The following FILIP1 variants were observed in gnomAD, a reference collection of about 807,000 sequenced individuals.
FILIP1 encodes filamin A interacting protein 1.
Under a neutral mutation model 102.1 loss-of-function variants are expected in FILIP1, and 61 were observed. The ratio of observed to expected loss-of-function variants is 0.60; its 90% CI spans 0.49 to 0.74. The LOEUF (loss-of-function observed/expected upper bound fraction) is 0.74. FILIP1 is among the 30% of genes least tolerant of loss of function. FILIP1 has a pLI of 0.00. For missense variants in FILIP1, 1,314 were observed against 1,441.2 expected (o/e 0.91, Z 1.43); for synonymous variants, 491 against 526.9 (o/e 0.93, Z 0.93).
Position 75,403,524 on chromosome 6 carries a change from A to AAAAAAAAG in FILIP1, c.276+11172_276+11173insCTTTTTTT, listed in dbSNP as rs55907855. Among the ~76,000 whole-genome samples, 493 of 134,734 alleles carry AAAAAAAAG rather than the reference A, an allele frequency of 3.7e-3. 22 individuals are homozygous for AAAAAAAAG. The highest frequency in any genetic ancestry group is 0.01 in the African/African-American group (357 of 35,290). The allele number at this position is 134,734 out of a possible 152,430, so 88.4% of individuals were successfully genotyped here. A position where few individuals can be genotyped will look rare whatever the true frequency, so the allele number is the denominator to read the frequency against. On this transcript the variant is annotated intron_variant, in intron 2 of 5. Transcript: ENST00000237172. ...CAAGACTCTGTCCCACAAAAAAAAA[A>AAAAAAAAG]AAAAAAGAAAAAGAAAAAGAAATAT...
intron 2 of FILIP1, among the ~76,000 whole-genome samples, chr6:75,406,591 G>C (rs185079308): frequency 6.6e-6 from 1 of 151,512 alleles, no homozygotes; most frequent in Non-Finnish European, 1.5e-5. Context: ...CACATAGTAG[G>C]AGCCCATCAA....
At chr6:75,318,228 C>CT (rs35536817) in intron 4 of FILIP1, among the ~76,000 whole-genome samples, 1,647 of 102,816 alleles carry the variant, frequency 0.016, 38 homozygotes, top group Non-Finnish European at 0.02. Context: ...ATTATACAGT[C>CT]TTTTTTTTTT....
At chr6:75,348,650 T>C (rs1582379578) in intron 4 of FILIP1, among the ~76,000 whole-genome samples, 1 of 152,368 alleles carries the variant, frequency 6.6e-6, no homozygotes, top group East Asian at 1.9e-4. Flanking sequence ...TTACAGGGTC[T>C]AGGTCAGTGG....
intron 2 of FILIP1, among the ~76,000 whole-genome samples, chr6:75,385,494 C>T (rs763801269): frequency 1.6e-4 from 25 of 152,116 alleles, no homozygotes; most frequent in Middle Eastern, 3.2e-3. Flanking sequence ...TATTCAAATA[C>T]ATCACTTGTC....
chr6:75,411,491 C>T (rs553393285), intron 2 of FILIP1, among the ~76,000 whole-genome samples: 16 of 152,112 alleles, frequency 1.1e-4, no homozygotes, highest in Non-Finnish European at 1.8e-4. Context: ...AAGTCTTTGC[C>T]CATGCCTATG....
intron 1 of FILIP1, among the ~76,000 whole-genome samples, chr6:75,453,001 T>C (rs1231666081): frequency 1.3e-5 from 2 of 152,168 alleles, no homozygotes; most frequent in Non-Finnish European, 2.9e-5. Context: ...GATAGGTGTT[T>C]TGTAGTATAA....
chr6:75,382,901 C>T (rs139938234), intron 2 of FILIP1, among the ~76,000 whole-genome samples: 1 of 152,180 alleles, frequency 6.6e-6, no homozygotes, highest in Non-Finnish European at 1.5e-5. Context: ...AGTTTATCAG[C>T]CACAAAAGCC....
chr6:75,369,813 GAACAA>G (rs1290399331), intron 2 of FILIP1, among the ~76,000 whole-genome samples: 2 of 152,120 alleles, frequency 1.3e-5, no homozygotes, highest in African/African-American at 4.8e-5. Context: ...TGAGTGTTCA[GAACAA>G]AACAAAAGAT....
intron 4 of FILIP1, among the ~76,000 whole-genome samples, chr6:75,330,468 T>C (rs1774039264): frequency 6.6e-6 from 1 of 152,088 alleles, no homozygotes; most frequent in Admixed American, 6.6e-5. Flanking sequence ...TTTTTGACCC[T>C]AGCCCAGTGC....
rs149446653 is a variant in FILIP1 at position 75,412,862 on chromosome 6, C to G, written c.276+1835G>C. ...TTAAAATACCAGGTCCTTCATTATCCTTCTCTTCACTGCCTCCCACATAAA... is the reference window on the plus strand; with the variant it reads ...TTAAAATACCAGGTCCTTCATTATCGTTCTCTTCACTGCCTCCCACATAAA... On this transcript the variant is annotated intron_variant, in intron 2 of 5. Transcript: ENST00000237172. Among the ~76,000 whole-genome samples the G allele has an allele frequency of 9.6e-3, 1,466 of 152,260 alleles. 11 individuals carry two copies. Among genetic ancestry groups the G allele is most frequent in the Non-Finnish European group, 0.017 (1,135 of 68,004 alleles).
intron 4 of FILIP1, among the ~76,000 whole-genome samples, chr6:75,345,076 T>C (rs913494294): frequency 2.0e-5 from 3 of 152,226 alleles, no homozygotes; most frequent in Admixed American, 2.0e-4. Flanking sequence ...ACTGTTGCTT[T>C]TCTTAGGACT....
intron 2 of FILIP1, among the ~76,000 whole-genome samples, chr6:75,397,492 G>GTA (rs35562292): frequency 0.7 from 101,845 of 145,928 alleles, 35,471 homozygotes; most frequent in Middle Eastern, 0.76. Flanking sequence ...ATATATATGT[G>GTA]TATATATATA....
At chr6:75,411,796 C>T (rs188743138) in intron 2 of FILIP1, among the ~76,000 whole-genome samples, 158 of 152,168 alleles carry the variant, frequency 1.0e-3, no homozygotes, top group African/African-American at 3.6e-3. Flanking sequence ...GGTACCGGTA[C>T]CATGATGTTT....
At chr6:75,477,452 G>A (rs1402513149) in intron 1 of FILIP1, among the ~76,000 whole-genome samples, 2 of 151,924 alleles carry the variant, frequency 1.3e-5, no homozygotes, top group Non-Finnish European at 2.9e-5. Context: ...AATGATAGGT[G>A]ATGAATATTA....
At chr6:75,441,406 C>T (rs1488018829) in intron 1 of FILIP1, among the ~76,000 whole-genome samples, 1 of 152,106 alleles carries the variant, frequency 6.6e-6, no homozygotes, top group South Asian at 2.1e-4. Context: ...GGCAACCATC[C>T]GATTTCTCAA....
intron 1 of FILIP1, among the ~76,000 whole-genome samples, chr6:75,469,142 G>A (rs975959077): frequency 3.3e-5 from 5 of 151,840 alleles, no homozygotes; most frequent in African/African-American, 1.2e-4. Context: ...TTAAAACAAC[G>A]ATAGGAATTT....
intron 1 of FILIP1, among the ~76,000 whole-genome samples, chr6:75,436,077 A>C (rs1778009052): frequency 6.6e-6 from 1 of 152,154 alleles, no homozygotes; most frequent in Non-Finnish European, 1.5e-5. Context: ...GAGTTGCAGA[A>C]GTCACTGCTG....
chr6:75,425,678 GA>G (rs761599780), intron 1 of FILIP1, among the ~76,000 whole-genome samples: 18 of 152,016 alleles, frequency 1.2e-4, no homozygotes, highest in Admixed American at 3.3e-4. Flanking sequence ...TGTAATGCTG[GA>G]CAAGTCACTT....
chr6:75,362,663 G>GT, intron 3 of FILIP1, 81 bp downstream of exon 3: 1 of 1,423,722 alleles, frequency 7.0e-7, no homozygotes, highest in South Asian at 1.3e-5. Flanking sequence ...GAAAGAAAAT[G>GT]TTAAAGCATG....
Sources: allele counts gnomAD v4.1 joint callset (sites outside exome capture counted in the v4.1 genomes callset), GRCh38; gene constraint gnomAD v4.1.1; transcripts MANE v1.5; gene names NCBI Gene and HGNC (gene_info 2026-07-23, HGNC 2026-07-21).